Variants in MEX3D observed in about 807,000 individuals in gnomAD.
MEX3D encodes RNA-binding protein MEX3D.
A neutral mutation model predicts 6.3 loss-of-function variants in MEX3D; 4 were observed. That is an observed-to-expected ratio of 0.64 (90% CI 0.31 to 1.46). The LOEUF (loss-of-function observed/expected upper bound fraction) is 1.46. Among genes scored for constraint, MEX3D ranks in the 40% most tolerant of loss-of-function variants. The probability of loss-of-function intolerance (pLI) is 0.07; values close to 1 mark genes in which losing one functional copy is unlikely to be tolerated. For synonymous variants in MEX3D, 626 were observed against 494.1 expected (o/e 1.27, Z -3.54); for missense variants, 1,038 against 994.4 (o/e 1.04, Z -0.59).
chr19:1,566,467 GC>G (rs993151079), intron 1 of MEX3D, among the ~76,000 whole-genome samples: 4 of 152,194 alleles, frequency 2.6e-5, no homozygotes, highest in African/African-American at 9.6e-5. Context: ...CCCCGGGGAG[GC>G]AGGGACCCCC....
At chr19:1,563,935 G>A (rs1300980301) in intron 1 of MEX3D, among the ~76,000 whole-genome samples, 2 of 151,556 alleles carry the variant, frequency 1.3e-5, no homozygotes, top group African/African-American at 2.4e-5. Flanking sequence ...AGCCTCCAGA[G>A]TAGCTGGGGC....
At chr19:1,558,720 G>T (rs1914642119) in intron 1 of MEX3D, among the ~76,000 whole-genome samples, 3 of 152,212 alleles carry the variant, frequency 2.0e-5, no homozygotes, top group Admixed American at 1.3e-4. Flanking sequence ...CAAGACCCTG[G>T]CCTAAGGGGA....
chr19:1,555,483 T>A lies in MEX3D; in HGVS notation c.*80A>T. ...GCCCCTCGCCCCCTCCCCGTCCCTC[T>A]CCCACCCCGGGTCCCGCCCCGTCTC... On this transcript the variant is annotated 3_prime_UTR_variant, in exon 2 of 2. Transcript: ENST00000402693. 3 of 1,144,998 alleles carry A rather than the reference T, an allele frequency of 2.6e-6. No homozygotes were observed. Among genetic ancestry groups the A allele is most frequent in the East Asian group, 6.0e-5 (1 of 16,628 alleles). The allele number at this position is 1,144,998 out of a possible 1,614,324, so 70.9% of individuals were successfully genotyped here.
rs1233287351 is a variant in MEX3D, at chr19:1,554,865, A to G, written c.*698T>C. The G allele has an allele frequency of 4.0e-5, 6 of 151,214 alleles. No homozygotes were observed. In the East Asian group the frequency reaches 1.2e-3, roughly 29 times the overall value. 9.4% of individuals were successfully genotyped at this position (151,214 alleles called of 1,614,324 possible). A position where few individuals can be genotyped will look rare whatever the true frequency, so the allele number is the denominator to read the frequency against. The stretch of plus-strand genomic sequence containing the variant: ...TTAAAATTTATTCCATAAAGTACAT[A>G]TTTCCCTATAAATTCCCTACATATA... On this transcript the variant is annotated 3_prime_UTR_variant, in exon 2 of 2. Coordinates refer to ENST00000402693, the MANE Select transcript of MEX3D (RefSeq NM_203304.4).
chr19:1,563,774 C>A (rs1914775523), intron 1 of MEX3D, among the ~76,000 whole-genome samples: 1 of 152,106 alleles, frequency 6.6e-6, no homozygotes, highest in South Asian at 2.1e-4. Context: ...CTTTGCTGAC[C>A]CACCAGAGAA....
rs60802257 is a variant in MEX3D at position 1,555,034 on chromosome 19, G to GCCCCCCCCCCCC, written c.*528_*529insGGGGGGGGGGGG. 1.9e-5 allele frequency: 2 copies of GCCCCCCCCCCCC among 103,742 alleles called. No individual in the cohort carries two copies. Among genetic ancestry groups the GCCCCCCCCCCCC allele is most frequent in the Admixed American group, 1.0e-4 (1 of 9,634 alleles). 6.4% of individuals were successfully genotyped at this position (103,742 alleles called of 1,614,324 possible). A position where few individuals can be genotyped will look rare whatever the true frequency, so the allele number is the denominator to read the frequency against. On this transcript the variant is annotated 3_prime_UTR_variant, in exon 2 of 2. Transcript: ENST00000402693. Reference sequence around the variant, plus strand: ...GAACGCCCCTCGCCCCCGCCCCCCTGCCCCCTCCGGCCGCGCACGGTTGAT... The same window carrying GCCCCCCCCCCCC: ...GAACGCCCCTCGCCCCCGCCCCCCTGCCCCCCCCCCCCCCCCCTCCGGCCGCGCACGGTTGAT...
intron 1 of MEX3D, 116 bp from the exon 2 acceptor site, chr19:1,557,039 C>T (rs988799888): frequency 8.0e-7 from 1 of 1,249,538 alleles, no homozygotes; most frequent in Non-Finnish European, 1.1e-6. Context: ...AGCCTGTGCC[C>T]AACAACACTT....
intron 1 of MEX3D, 122 bp from the exon 2 acceptor site, chr19:1,557,045 C>A (rs1914591840): frequency 2.5e-6 from 3 of 1,196,498 alleles, no homozygotes; most frequent in African/African-American, 3.1e-5. Flanking sequence ...TGCCCAACAA[C>A]ACTTTATCCT....
rs764041513 is a variant in MEX3D at position 1,555,729 on chromosome 19, G to A, written c.1790C>T (p.Ala597Val). ...CTCGGCGCACACCACGCACTCTCGCGCCAGGGCCGGGGCCGAGGACGCCGA... is the reference window on the plus strand; with the variant it reads ...CTCGGCGCACACCACGCACTCTCGCACCAGGGCCGGGGCCGAGGACGCCGA... ...PPSASSAPAL[A>V]RECVVCAEGE... Residue 597 changes from alanine to valine, a missense_variant, in exon 2 of 2, where the codon GCG becomes GTG. By Grantham distance (64) the Ala-to-Val change is moderately conservative (BLOSUM62 0). Transcript: ENST00000402693. 12 of 1,528,818 alleles carry A rather than the reference G, an allele frequency of 7.8e-6. No individual in the cohort carries two copies. The highest frequency in any genetic ancestry group is 5.1e-5 in the East Asian group (2 of 39,202). The allele number at this position is 1,528,818 out of a possible 1,614,324, so 94.7% of individuals were successfully genotyped here. A position where few individuals can be genotyped will look rare whatever the true frequency, so the allele number is the denominator to read the frequency against.
Position 1,556,222 on chromosome 19 carries a change from C to T in MEX3D, c.1297G>A (p.Ala433Thr), listed in dbSNP as rs754580060. The change falls in exon 2 of 2, where the codon GCC becomes ACC. Residue 433 changes from alanine to threonine, a missense_variant. Around this residue, in one of 5 missense-constraint regions of MEX3D, gnomAD observed 581 missense variants for 516.2 expected, o/e 1.13. Transcript: ENST00000402693. This position sits in a 1 kb window ranked among gnomAD's most constrained non-coding sequence, Gnocchi z 7.5. Reference protein sequence around the residue: ...PYSGSGNGGFAFGAEGPGAPV... With the variant: ...PYSGSGNGGFTFGAEGPGAPV... ...GCACCGGGACCCTCCGCGCCGAAGG[C>T]GAAGCCCCCGTTGCCGGAGCCGCTG... The T allele has an allele frequency of 2.0e-5, 28 of 1,412,570 alleles. No individual in the cohort carries two copies. The African/African-American group carries it at 2.8e-4, about 14-fold the overall frequency. The allele number at this position is 1,412,570 out of a possible 1,614,324, so 87.5% of individuals were successfully genotyped here. A position where few individuals can be genotyped will look rare whatever the true frequency, so the allele number is the denominator to read the frequency against.
chr19:1,556,706 G>C lies in MEX3D; in HGVS notation c.813C>G (p.Pro271=), dbSNP rs751930623. ...PGAAQGPPNL[P]GQTTIQVRVP... is the part of the protein sequence containing the mutation. ...CGCGCACCTGGATGGTGGTCTGTCC[G>C]GGAAGGTTGGGCGGGCCCTGGGCGG... Residue 271 remains proline (P), a synonymous_variant, in exon 2 of 2, where the codon CCC becomes CCG. Transcript: ENST00000402693. This position sits in a 1 kb window ranked among gnomAD's most constrained non-coding sequence, Gnocchi z 7.5. 4 of 1,610,888 alleles carry C rather than the reference G, an allele frequency of 2.5e-6. No homozygotes were observed. The highest frequency in any genetic ancestry group is 1.7e-5 in the Admixed American group (1 of 59,898).
At chr19:1,566,503 C>T (rs1914844029) in intron 1 of MEX3D, among the ~76,000 whole-genome samples, 1 of 152,248 alleles carries the variant, frequency 6.6e-6, no homozygotes, top group Non-Finnish European at 1.5e-5. Context: ...GCGGCCCCAC[C>T]ACCAGCCCCG....
In MEX3D at chr19:1,556,167, C is replaced by T; in HGVS notation, c.1352G>A (p.Cys451Tyr). The change falls in exon 2 of 2, where the codon TGC becomes TAC. Residue 451 changes from cysteine to tyrosine, a missense_variant. By Grantham distance (194) the Cys-to-Tyr change is radical. This residue lies in a region of MEX3D where 581 missense variants were observed against 516.2 expected (regional missense o/e 1.13). Transcript: ENST00000402693. The surrounding 1 kb of genome is among the most constrained non-coding windows in gnomAD (Gnocchi z 7.5). ...APVGTAAPDD[C>Y]DFGFDFDFLA... ...GAAGTCGAAGTCGAAGCCGAAGTCG[C>T]AGTCGTCGGGGGCGGCCGTCCCCAC... is the stretch of plus-strand genomic sequence containing the variant. 2 of 1,471,072 alleles carry T rather than the reference C, an allele frequency of 1.4e-6. No homozygotes were observed. The highest frequency in any genetic ancestry group is 1.5e-5 in the African/African-American group (1 of 67,542). The allele number at this position is 1,471,072 out of a possible 1,614,324, so 91.1% of individuals were successfully genotyped here.
chr19:1,567,908 C>A lies in MEX3D; in HGVS notation c.151G>T (p.Glu51Ter). The change falls in exon 1 of 2, where the codon GAA (glutamate) becomes TAA (stop). Residue 51 changes from glutamate to a stop codon, truncating the protein, a stop_gained. Transcript: ENST00000402693. LOFTEE classifies it high-confidence loss of function. The surrounding 1 kb of genome is among the most constrained non-coding windows in gnomAD (Gnocchi z 6.5). ...EAAPAPRPPP[E>*]PDDAAAALRL... is the part of the protein sequence containing the mutation. The stretch of plus-strand genomic sequence containing the variant: ...AGCGCGGCGGCCGCGTCGTCGGGTT[C>A]GGGCGGCGGCCGGGGCGCGGGCGCG... 1 of 976,098 alleles carries A rather than the reference C, an allele frequency of 1.0e-6. No homozygotes were observed. Among genetic ancestry groups the A allele is most frequent in the Non-Finnish European group, 1.2e-6 (1 of 826,814 alleles). The allele number at this position is 976,098 out of a possible 1,614,324, so 60.5% of individuals were successfully genotyped here.
chr19:1,564,716 CTG>C (rs1019285455), intron 1 of MEX3D, among the ~76,000 whole-genome samples: 1 of 152,016 alleles, frequency 6.6e-6, no homozygotes, highest in African/African-American at 2.4e-5. Flanking sequence ...GGTGCCAGGC[CTG>C]TGTGACTCTT....
intron 1 of MEX3D, among the ~76,000 whole-genome samples, chr19:1,564,281 C>G (rs1009243343): frequency 1.8e-4 from 28 of 151,892 alleles, no homozygotes; most frequent in African/African-American, 6.8e-4. Context: ...ACCTGTAGTC[C>G]CAGCACTCTG....
At chr19:1,564,202 C>A (rs1477010128) in intron 1 of MEX3D, among the ~76,000 whole-genome samples, 1 of 152,118 alleles carries the variant, frequency 6.6e-6, no homozygotes, top group East Asian at 1.9e-4. Context: ...CAGGTCAAGT[C>A]TGGCATAGGC....
In MEX3D at chr19:1,555,686, C is replaced by T. The variant is rs780349897; in HGVS notation, c.1833G>A (p.Ala611=). The change falls in exon 2 of 2, where the codon GCG becomes GCA. Residue 611 remains alanine, a synonymous_variant. Transcript: ENST00000402693. ...AGAGGTTGTGGCCGCAGGGGACCAG[C>T]GCAGCCATCACCTCGCCCTCGGCGC... ...VVCAEGEVMA[A]LVPCGHNLFC... 11 of 1,571,872 alleles carry T rather than the reference C, an allele frequency of 7.0e-6. No homozygotes were observed. In the Admixed American group the frequency reaches 1.1e-4, roughly 16 times the overall value.
chr19:1,567,706 G>A lies in MEX3D; in HGVS notation c.353C>T (p.Ala118Val), dbSNP rs2145579503. ...CAGCGGCAGCGACCCGGGGGCCACG[G>A]CGGGGGCCAGGGTCGGGGGCGCGCC... is the stretch of plus-strand genomic sequence containing the variant. ...EAGAPPTLAPAVAPGSLPLLD... is the reference protein window; with the variant it reads ...EAGAPPTLAPVVAPGSLPLLD... The change falls in exon 1 of 2, where the codon GCC becomes GTC. Residue 118 changes from alanine to valine, a missense_variant. Ala to Val is a moderately conservative substitution (Grantham distance 64). Around this residue, in one of 5 missense-constraint regions of MEX3D, gnomAD observed 265 missense variants for 206.3 expected, o/e 1.28. Coordinates refer to ENST00000402693, the MANE Select transcript of MEX3D (RefSeq NM_203304.4). This position sits in a 1 kb window ranked among gnomAD's most constrained non-coding sequence, Gnocchi z 6.5. 9.5e-7 allele frequency: 1 copy of A among 1,055,922 alleles called. No individual in the cohort carries two copies. 65.4% of individuals were successfully genotyped at this position (1,055,922 alleles called of 1,614,324 possible). A position where few individuals can be genotyped will look rare whatever the true frequency, so the allele number is the denominator to read the frequency against.
Sources: gnomAD v4.1 joint callset for allele counts (sites outside exome capture counted in the v4.1 genomes callset) on GRCh38, gnomAD v4.1.1 for gene constraint, gnomAD v4.1.1 regional missense constraint, Gnocchi (gnomAD v3.1) non-coding constraint, MANE v1.5 for transcripts, NCBI Gene and HGNC (gene_info 2026-07-23, HGNC 2026-07-21) for gene names.